Variants in RABEP1 observed in about 807,000 individuals in gnomAD.
RABEP1 encodes rab GTPase-binding effector protein 1.
RABEP1 carries 51 observed loss-of-function variants against 123.4 expected under a neutral mutation model. The ratio of observed to expected loss-of-function variants is 0.41; its 90% confidence interval spans 0.33 to 0.52. The LOEUF (loss-of-function observed/expected upper bound fraction) is 0.52, where lower values mean the gene tolerates loss of function less well. Among genes scored for constraint, RABEP1 ranks in the 20% least tolerant of loss-of-function variants. The pLI is 0.16. For synonymous variants in RABEP1, 347 were observed against 355.2 expected (o/e 0.98, Z 0.26); for missense variants, 888 against 996.3 (o/e 0.89, Z 1.46).
chr17:5,312,062 T>C (rs529146321), intron 2 of RABEP1, among the ~76,000 whole-genome samples: 1 of 152,358 alleles, frequency 6.6e-6, no homozygotes, highest in South Asian at 2.1e-4. Flanking sequence ...TTCAATTTTG[T>C]TGAAAGAGGA....
intron 6 of RABEP1, 38 bp from the exon 7 acceptor site, chr17:5,350,413 C>T (rs373780333): frequency 1.0e-4 from 161 of 1,567,212 alleles, no homozygotes; most frequent in Non-Finnish European, 1.4e-4. Context: ...CATTAAAATT[C>T]AGTGTTTTTG....
At chr17:5,322,379 G>A (rs530351830) in intron 2 of RABEP1, among the ~76,000 whole-genome samples, 5 of 152,044 alleles carry the variant, frequency 3.3e-5, no homozygotes, top group African/African-American at 9.6e-5. Context: ...AGAAAAGACC[G>A]TAAAAAGAGG....
In RABEP1 at chr17:5,361,559, C is replaced by G; in HGVS notation, c.1447C>G (p.Gln483Glu). The G allele has an allele frequency of 6.2e-7, 1 of 1,614,190 alleles. No homozygotes were observed. The highest frequency in any genetic ancestry group is 8.5e-7 in the Non-Finnish European group (1 of 1,180,020). ...AGCAATCAAGGCGATGACACCAGAACAAGAAGAGACAGCGTCCCTCCTCTC... is the reference window on the plus strand; with the variant it reads ...AGCAATCAAGGCGATGACACCAGAAGAAGAAGAGACAGCGTCCCTCCTCTC... ...ERAIKAMTPE[Q>E]EETASLLSSV... Residue 483 changes from glutamine (Q) to glutamate (E), a missense_variant, in exon 9 of 18, where the codon CAA becomes GAA. Physicochemically the swap from Gln to Glu is conservative, Grantham distance 29. Coordinates refer to ENST00000537505, the MANE Select transcript of RABEP1 (RefSeq NM_004703.6).
intron 15 of RABEP1, chr17:5,378,514 G>A: frequency 4.1e-6 from 2 of 490,194 alleles, no homozygotes; most frequent in Middle Eastern, 4.6e-4. Context: ...GTCATAACAT[G>A]TTATATGCTT....
chr17:5,319,204 C>A (rs1044173529), intron 2 of RABEP1, among the ~76,000 whole-genome samples: 5 of 151,382 alleles, frequency 3.3e-5, no homozygotes, highest in Non-Finnish European at 7.4e-5. Context: ...GTGGTGCACA[C>A]CTGTAATCCC....
At position 5,386,047 on chromosome 17, in the gene RABEP1, A is replaced by T. The variant is rs1911931556; in HGVS notation, c.*2824A>T. 8.7e-6 allele frequency: 5 copies of T among 574,196 alleles called. No homozygotes were observed. The South Asian group carries it at 1.1e-4, about 12-fold the overall frequency. The allele number at this position is 574,196 out of a possible 1,614,324, so 35.6% of individuals were successfully genotyped here. A position where few individuals can be genotyped will look rare whatever the true frequency, so the allele number is the denominator to read the frequency against. ...CACATTCCAAATTTTAAATAAAAGC[A>T]TTTACTCAATTATTATAAAACAACA... On this transcript the variant is annotated 3_prime_UTR_variant, in exon 18 of 18. Coordinates refer to ENST00000537505, the MANE Select transcript of RABEP1 (RefSeq NM_004703.6).
At chr17:5,324,392 G>C (rs1448540750) in intron 2 of RABEP1, among the ~76,000 whole-genome samples, 1 of 152,166 alleles carries the variant, frequency 6.6e-6, no homozygotes, top group Non-Finnish European at 1.5e-5. Flanking sequence ...ATTTGCAGAA[G>C]AATGAAATTA....
intron 7 of RABEP1, among the ~76,000 whole-genome samples, chr17:5,351,549 A>G (rs560323948): frequency 6.6e-6 from 1 of 152,256 alleles, no homozygotes; most frequent in South Asian, 2.1e-4. Context: ...TAATCCCAAC[A>G]CTTTGGGAGG....
At chr17:5,351,007 A>G (rs1356778434) in intron 7 of RABEP1, among the ~76,000 whole-genome samples, 2 of 152,166 alleles carry the variant, frequency 1.3e-5, no homozygotes, top group African/African-American at 4.8e-5. Flanking sequence ...AAACTTTCTT[A>G]AAACATTATG....
At chr17:5,333,691 A>G (rs1251207388) in intron 3 of RABEP1, among the ~76,000 whole-genome samples, 1 of 152,178 alleles carries the variant, frequency 6.6e-6, no homozygotes, top group African/African-American at 2.4e-5. Flanking sequence ...CGAAATCCAA[A>G]GGTAGATAAT....
At position 5,361,659 on chromosome 17, in the gene RABEP1, A is replaced by C. The variant is rs768015639; in HGVS notation, c.1547A>C (p.Asn516Thr). ...GYRLVSETEW[N>T]LLQKEVHNAG... ...CGTTTAGTTAGTGAAACAGAATGGA[A>C]TCTCTTGCAGAAAGAGGTGAGTTAC... is the stretch of plus-strand genomic sequence containing the variant. Residue 516 changes from asparagine (N) to threonine (T), a missense_variant, in exon 9 of 18, where the codon AAT becomes ACT. Physicochemically the swap from Asn to Thr is moderately conservative, Grantham distance 65. Transcript: ENST00000537505. The C allele has an allele frequency of 6.2e-7, 1 of 1,606,256 alleles. No homozygotes were observed. Among genetic ancestry groups the C allele is most frequent in the Admixed American group, 1.7e-5 (1 of 58,346 alleles).
intron 1 of RABEP1, among the ~76,000 whole-genome samples, chr17:5,292,958 A>G (rs2075046806): frequency 6.6e-6 from 1 of 152,194 alleles, no homozygotes; most frequent in Admixed American, 6.5e-5. Flanking sequence ...CTGGCATTAC[A>G]GGCATGAGCT....
rs530139416 is a variant in RABEP1, at chr17:5,385,425, T to C, written c.*2202T>C. 2 of 221,520 alleles carry C rather than the reference T, an allele frequency of 9.0e-6. No individual in the cohort carries two copies. Among genetic ancestry groups the C allele is most frequent in the East Asian group, 1.3e-4 (2 of 15,426 alleles). 13.7% of individuals were successfully genotyped at this position (221,520 alleles called of 1,614,324 possible). Reference sequence around the variant, plus strand: ...CTCTTACCTGTAACCTACCTTATCATGTGGCTTTTAATTGACAGTCACTCA... The same window carrying C: ...CTCTTACCTGTAACCTACCTTATCACGTGGCTTTTAATTGACAGTCACTCA... On this transcript the variant is annotated 3_prime_UTR_variant, in exon 18 of 18. Coordinates refer to ENST00000537505, the MANE Select transcript of RABEP1 (RefSeq NM_004703.6).
chr17:5,299,550 T>G (rs192596094), intron 1 of RABEP1, among the ~76,000 whole-genome samples: 43 of 150,518 alleles, frequency 2.9e-4, no homozygotes, highest in Admixed American at 1.9e-3. Flanking sequence ...AAGTGTGTTT[T>G]CAGTTAGTTT....
Position 5,385,334 on chromosome 17 carries a change from C to T in RABEP1, c.*2111C>T, listed in dbSNP as rs140048599. The stretch of plus-strand genomic sequence containing the variant: ...AAAAGAAAAGCTCAGTTGGGTTTCA[C>T]GAGTGTTCCTGTGCTTATATTCAGT... On this transcript the variant is annotated 3_prime_UTR_variant, in exon 18 of 18. Transcript: ENST00000537505. 206 of 230,800 alleles carry T rather than the reference C, an allele frequency of 8.9e-4. 1 individual carries two copies. Among genetic ancestry groups the T allele is most frequent in the East Asian group, 5.4e-3 (87 of 16,218 alleles). The allele number at this position is 230,800 out of a possible 1,614,324, so 14.3% of individuals were successfully genotyped here.
chr17:5,338,227 A>C (rs892789494), intron 5 of RABEP1, 89 bp downstream of exon 5: 26 of 1,417,724 alleles, frequency 1.8e-5, no homozygotes, highest in South Asian at 7.0e-5. Context: ...AGGGAAAAAA[A>C]CCTGTAATTT....
intron 17 of RABEP1, among the ~76,000 whole-genome samples, chr17:5,382,897 G>T (rs947758630): frequency 6.7e-6 from 1 of 149,966 alleles, no homozygotes; most frequent in Non-Finnish European, 1.5e-5. Flanking sequence ...TCTGGCCTGG[G>T]CTGGCCTGGA....
chr17:5,292,712 T>C (rs1421425484), intron 1 of RABEP1, among the ~76,000 whole-genome samples: 1 of 152,136 alleles, frequency 6.6e-6, no homozygotes, highest in African/African-American at 2.4e-5. Context: ...AGACAGGGTC[T>C]TGCTCTGTGG....
At chr17:5,308,855 C>A (rs761917810) in intron 2 of RABEP1, 33 bp downstream of exon 2, 4 of 1,544,400 alleles carry the variant, frequency 2.6e-6, no homozygotes, top group Non-Finnish European at 3.5e-6. Flanking sequence ...AACTTCAATG[C>A]GAAAACTGCC....
Sources: allele counts gnomAD v4.1 joint callset (sites outside exome capture counted in the v4.1 genomes callset), GRCh38; gene constraint gnomAD v4.1.1; transcripts MANE v1.5; gene names NCBI Gene and HGNC (gene_info 2026-07-23, HGNC 2026-07-21).